The following KCNK2 variants were observed in gnomAD, a reference collection of about 807,000 sequenced individuals.
KCNK2 encodes potassium two pore domain channel subfamily K member 2.
A neutral mutation model predicts 40.5 loss-of-function variants in KCNK2; 21 were observed. That is an observed-to-expected ratio of 0.52 (90% CI 0.37 to 0.75). The LOEUF (loss-of-function observed/expected upper bound fraction) is 0.75, where lower values mean the gene tolerates loss of function less well. Ranked by LOEUF, KCNK2 falls within the 30% of genes least tolerant of loss-of-function variation. The pLI is 0.00. For missense variants in KCNK2, 399 were observed against 531.6 expected, an observed-to-expected ratio of 0.75 and a Z score of 2.45; for synonymous variants, 191 against 202.2, an observed-to-expected ratio of 0.94 and a Z score of 0.47.
chr1:215,221,395 A>G (rs1235785659), intron 6 of KCNK2, among the ~76,000 whole-genome samples: 2 of 152,094 alleles, frequency 1.3e-5, no homozygotes, highest in African/African-American at 2.4e-5. Flanking sequence ...ACAAACAAAC[A>G]ACGACAACAA....
chr1:215,194,830 T>C (rs1288676344), intron 5 of KCNK2, 123 bp from the exon 6 acceptor site: 2 of 641,170 alleles, frequency 3.1e-6, no homozygotes, highest in Admixed American at 2.9e-5. Context: ...TGTAACTCCA[T>C]TGATAAGAAT....
At chr1:215,048,650 C>T (rs1657871799) in intron 1 of KCNK2, among the ~76,000 whole-genome samples, 1 of 152,104 alleles carries the variant, frequency 6.6e-6, no homozygotes, top group Non-Finnish European at 1.5e-5. Flanking sequence ...CCAATAATAT[C>T]CAGAGTAAAT....
chr1:215,168,272 C>A (rs569562128), intron 3 of KCNK2, among the ~76,000 whole-genome samples: 19 of 152,150 alleles, frequency 1.2e-4, no homozygotes, highest in Non-Finnish European at 1.9e-4. Flanking sequence ...TAAATTAGTT[C>A]AACCTTTGTG....
In KCNK2 at chr1:215,098,593, C is replaced by G. The variant is rs964641321; in HGVS notation, c.357+11915C>G. 5.3e-5 allele frequency among the ~76,000 whole-genome samples: 8 copies of G among 151,914 alleles called. No homozygotes were observed. The East Asian group carries it at 1.5e-3, about 29-fold the overall frequency. On this transcript the variant is annotated intron_variant, in intron 2 of 6. Transcript: ENST00000444842. Reference sequence around the variant, plus strand: ...TTTTCAATTTTATATTAAAACATCACAGAACAGATACCTAGCATTACACTT... The same window carrying G: ...TTTTCAATTTTATATTAAAACATCAGAGAACAGATACCTAGCATTACACTT...
intron 1 of KCNK2, among the ~76,000 whole-genome samples, chr1:215,016,354 T>C (rs1319367160): frequency 6.6e-6 from 1 of 152,124 alleles, no homozygotes; most frequent in African/African-American, 2.4e-5. Flanking sequence ...TTTCAAAATC[T>C]ACTATAAAGC....
At chr1:215,231,571 A>T (rs909466656) in intron 6 of KCNK2, among the ~76,000 whole-genome samples, 1 of 152,148 alleles carries the variant, frequency 6.6e-6, no homozygotes, top group Admixed American at 6.5e-5. Flanking sequence ...ACATTAAAAA[A>T]CTTACCCTAA....
chr1:215,163,322 A>G (rs1663290958), intron 3 of KCNK2, among the ~76,000 whole-genome samples: 1 of 152,172 alleles, frequency 6.6e-6, no homozygotes, highest in South Asian at 2.1e-4. Flanking sequence ...TTTTGGGCTG[A>G]GACGATGGAG....
At chr1:215,068,000 A>G (rs1658616985) in intron 1 of KCNK2, among the ~76,000 whole-genome samples, 1 of 151,536 alleles carries the variant, frequency 6.6e-6, no homozygotes, top group Non-Finnish European at 1.5e-5. Flanking sequence ...ACCTTAGCAT[A>G]TGTTTCTATA....
intron 6 of KCNK2, among the ~76,000 whole-genome samples, chr1:215,202,110 T>G (rs1403873373): frequency 6.6e-6 from 1 of 152,136 alleles, no homozygotes; most frequent in South Asian, 2.1e-4. Flanking sequence ...GACTGTAAAA[T>G]TTCTCAGGTT....
intron 6 of KCNK2, among the ~76,000 whole-genome samples, chr1:215,217,162 G>A (rs1665996105): frequency 6.6e-6 from 1 of 152,116 alleles, no homozygotes. Flanking sequence ...ATTTTATCCA[G>A]TGTCAAAGGG....
chr1:215,130,605 C>G (rs1038561027), intron 3 of KCNK2, among the ~76,000 whole-genome samples: 3 of 152,048 alleles, frequency 2.0e-5, no homozygotes, highest in African/African-American at 7.2e-5. Flanking sequence ...TAGGTCTGGA[C>G]TCCTACAGAA....
Position 215,233,393 on chromosome 1 carries a change from G to T in KCNK2, c.964-1435G>T, listed in dbSNP as rs1315851929. On this transcript the variant is annotated intron_variant, in intron 6 of 6. Coordinates refer to ENST00000444842, the MANE Select transcript of KCNK2 (RefSeq NM_001017425.3). The stretch of plus-strand genomic sequence containing the variant: ...TGTGGATTAAAAAAAGAGTTGATTT[G>T]CCATGTACCATCCTCCTATCCACCT... Among the ~76,000 whole-genome samples, 5 of 151,542 alleles carry T rather than the reference G, an allele frequency of 3.3e-5. No individual in the cohort carries two copies. In the East Asian group the frequency reaches 9.7e-4, roughly 29 times the overall value.
intron 2 of KCNK2, among the ~76,000 whole-genome samples, chr1:215,106,763 A>G (rs1660456323): frequency 6.6e-6 from 1 of 152,206 alleles, no homozygotes; most frequent in Admixed American, 6.6e-5. Flanking sequence ...ATTTTTGCAT[A>G]TGGTGATAGG....
intron 6 of KCNK2, among the ~76,000 whole-genome samples, chr1:215,226,338 G>GT (rs1291507555): frequency 2.0e-5 from 3 of 151,908 alleles, no homozygotes; most frequent in African/African-American, 7.3e-5. Flanking sequence ...GTTTTGTTTT[G>GT]TTTTTTGAGA....
chr1:215,138,053 T>C (rs2102597508), intron 3 of KCNK2, among the ~76,000 whole-genome samples: 1 of 152,324 alleles, frequency 6.6e-6, no homozygotes, highest in South Asian at 2.1e-4. Context: ...AGTGCAATTT[T>C]GTGCTACTTC....
intron 6 of KCNK2, among the ~76,000 whole-genome samples, chr1:215,231,985 G>A (rs978040930): frequency 1.3e-5 from 2 of 152,086 alleles, no homozygotes; most frequent in African/African-American, 4.8e-5. Context: ...CCTCCCACCA[G>A]GTCCCTCCCA....
intron 1 of KCNK2, among the ~76,000 whole-genome samples, chr1:215,019,029 G>C (rs1460598344): frequency 6.6e-6 from 1 of 151,848 alleles, no homozygotes; most frequent in Admixed American, 6.6e-5. Flanking sequence ...AAGACCCTTT[G>C]CTCTCTGGAG....
rs1018815059 is a variant in KCNK2, at chr1:215,221,357, G to C, written c.964-13471G>C. On this transcript the variant is annotated intron_variant, in intron 6 of 6. Coordinates refer to ENST00000444842, the MANE Select transcript of KCNK2 (RefSeq NM_001017425.3). Reference sequence around the variant, plus strand: ...CCACTACACTCCAGCCTGGGCAACAGAGTGAGACTCCATCTCAAAAGAAAC... The same window carrying C: ...CCACTACACTCCAGCCTGGGCAACACAGTGAGACTCCATCTCAAAAGAAAC... Among the ~76,000 whole-genome samples, 12 of 152,276 alleles carry C rather than the reference G, an allele frequency of 7.9e-5. 1 individual carries two copies. The East Asian group carries it at 2.3e-3, about 29-fold the overall frequency.
chr1:215,189,722 A>G (rs4320756), intron 5 of KCNK2, among the ~76,000 whole-genome samples: 135,517 of 152,134 alleles, frequency 0.89, 61,905 homozygotes, highest in Non-Finnish European at 0.99. Context: ...AAGAAAATAG[A>G]ATTTATAACA....
Sources: gnomAD v4.1 joint callset for allele counts (sites outside exome capture counted in the v4.1 genomes callset) on GRCh38, gnomAD v4.1.1 for gene constraint, MANE v1.5 for transcripts, NCBI Gene and HGNC (gene_info 2026-07-23, HGNC 2026-07-21) for gene names.